ADAMTS19: variants seen among roughly 807,000 people sequenced by gnomAD.
ADAMTS19 encodes the protein ADAM metallopeptidase with thrombospondin type 1 motif 19.
A neutral mutation model predicts 153.3 loss-of-function variants in ADAMTS19; 93 were observed. The ratio of observed to expected loss-of-function variants is 0.61; its 90% CI spans 0.51 to 0.72. The LOEUF is 0.72. Among genes scored for constraint, ADAMTS19 ranks in the 30% least tolerant of loss-of-function variants. The pLI is 0.00. For missense variants in ADAMTS19, 1,482 were observed against 1,552.1 expected (o/e 0.95, Z 0.76); for synonymous variants, 600 against 556.6 (o/e 1.08, Z -1.10).
At chr5:129,592,304 G>A (rs892588654) in intron 7 of ADAMTS19, among the ~76,000 whole-genome samples, 3 of 150,980 alleles carry the variant, frequency 2.0e-5, no homozygotes, top group South Asian at 4.2e-4. Flanking sequence ...CGCTGAAACC[G>A]GGAGGCGGAG....
At chr5:129,667,967 T>C (rs764576660) in intron 16 of ADAMTS19, among the ~76,000 whole-genome samples, 2 of 152,220 alleles carry the variant, frequency 1.3e-5, no homozygotes, top group Non-Finnish European at 2.9e-5. Context: ...ACTTGGTTAC[T>C]TAAAACAACA....
At chr5:129,593,831 G>A (rs1750255695) in intron 7 of ADAMTS19, among the ~76,000 whole-genome samples, 1 of 152,096 alleles carries the variant, frequency 6.6e-6, no homozygotes, top group Non-Finnish European at 1.5e-5. Flanking sequence ...CATATTTTCT[G>A]ACTCATTACA....
intron 6 of ADAMTS19, among the ~76,000 whole-genome samples, chr5:129,549,360 A>T (rs1018313297): frequency 1.3e-4 from 19 of 151,706 alleles, no homozygotes; most frequent in Non-Finnish European, 2.4e-4. Context: ...ACTCAGAGAA[A>T]ATGGATGTTG....
chr5:129,596,955 C>T (rs1750408912), intron 8 of ADAMTS19, among the ~76,000 whole-genome samples: 1 of 152,094 alleles, frequency 6.6e-6, no homozygotes, highest in African/African-American at 2.4e-5. Context: ...ACAAATATTT[C>T]CATAATCTTG....
intron 3 of ADAMTS19, among the ~76,000 whole-genome samples, chr5:129,515,857 A>G (rs1479996987): frequency 6.6e-6 from 1 of 151,784 alleles, no homozygotes; most frequent in Admixed American, 6.6e-5. Context: ...GCATCCTTGT[A>G]GTGTTACCGA....
intron 6 of ADAMTS19, among the ~76,000 whole-genome samples, chr5:129,549,768 A>G (rs1243028296): frequency 6.6e-6 from 1 of 150,440 alleles, no homozygotes; most frequent in Non-Finnish European, 1.5e-5. Context: ...TATGCAAGGA[A>G]CATTTACCAA....
At chr5:129,695,086 G>A (rs1161724442) in intron 19 of ADAMTS19, among the ~76,000 whole-genome samples, 1 of 152,118 alleles carries the variant, frequency 6.6e-6, no homozygotes, top group Non-Finnish European at 1.5e-5. Flanking sequence ...GAGTAATTAA[G>A]ATCACTTTTT....
At chr5:129,658,480 A>G (rs1335271163) in intron 14 of ADAMTS19, 137 bp from the exon 15 acceptor site, 4 of 853,274 alleles carry the variant, frequency 4.7e-6, no homozygotes, top group East Asian at 2.7e-5. Flanking sequence ...CCAGAGAATG[A>G]CATTTTATAA....
intron 2 of ADAMTS19, among the ~76,000 whole-genome samples, chr5:129,475,804 G>C (rs1750205675): frequency 6.6e-6 from 1 of 152,208 alleles, no homozygotes; most frequent in Non-Finnish European, 1.5e-5. Flanking sequence ...CTGCACTTCA[G>C]CCTGGGAGAC....
intron 3 of ADAMTS19, among the ~76,000 whole-genome samples, chr5:129,525,581 A>G (rs536786995): frequency 9.9e-5 from 15 of 152,024 alleles, no homozygotes; most frequent in Admixed American, 3.3e-4. Flanking sequence ...GATTTCCACT[A>G]TGATAGTGGA....
At chr5:129,546,329 A>T (rs890431193) in intron 6 of ADAMTS19, among the ~76,000 whole-genome samples, 4 of 150,770 alleles carry the variant, frequency 2.7e-5, no homozygotes, top group Admixed American at 2.6e-4. Context: ...TGGCACATGT[A>T]TACATATGTA....
intron 16 of ADAMTS19, among the ~76,000 whole-genome samples, chr5:129,669,183 T>A (rs1276960377): frequency 6.6e-6 from 1 of 152,088 alleles, no homozygotes; most frequent in African/African-American, 2.4e-5. Context: ...CTGGGAAATC[T>A]AGATATCCAC....
rs573799403 is a variant in ADAMTS19 at position 129,602,749 on chromosome 5, G to A, written c.1478+6085G>A. On this transcript the variant is annotated intron_variant, in intron 8 of 22. Coordinates refer to ENST00000274487, the MANE Select transcript of ADAMTS19 (RefSeq NM_133638.6). Reference sequence around the variant, plus strand: ...ATTTCATACTTTCATAATTTCTTCCGTAGGTTTTTGCAATTACAAGTACTT... The same window carrying A: ...ATTTCATACTTTCATAATTTCTTCCATAGGTTTTTGCAATTACAAGTACTT... Among the ~76,000 whole-genome samples the A allele has an allele frequency of 3.2e-4, 48 of 151,000 alleles. No individual in the cohort carries two copies. The South Asian group carries it at 4.8e-3, about 15-fold the overall frequency.
In ADAMTS19 at chr5:129,562,628, G is replaced by A. The variant is rs77465382; in HGVS notation, c.1372+10721G>A. On this transcript the variant is annotated intron_variant, in intron 7 of 22. Coordinates refer to ENST00000274487, the MANE Select transcript of ADAMTS19 (RefSeq NM_133638.6). ...ATCAATGGGGATAGTCAGTGTTTAC[G>A]TGTGTGTGTGCGTGTGTGTGTGTGT... Among the ~76,000 whole-genome samples, 298 of 152,152 alleles carry A rather than the reference G, an allele frequency of 2.0e-3. 3 individuals carry two copies. In the East Asian group the frequency reaches 0.026, roughly 13 times the overall value.
intron 10 of ADAMTS19, among the ~76,000 whole-genome samples, chr5:129,634,072 G>C (rs184483833): frequency 1.1e-4 from 17 of 152,204 alleles, no homozygotes; most frequent in African/African-American, 4.1e-4. Context: ...CTAATGTCAG[G>C]ACACAATAGT....
At chr5:129,558,493 A>G (rs998947926) in intron 7 of ADAMTS19, among the ~76,000 whole-genome samples, 5 of 152,154 alleles carry the variant, frequency 3.3e-5, no homozygotes, top group Non-Finnish European at 2.9e-5. Context: ...CTATATTACA[A>G]TTCATTAAAG....
In ADAMTS19 at chr5:129,730,179, A is replaced by G. The variant is rs1387298016; in HGVS notation, c.3313-4753A>G. 2.6e-5 allele frequency among the ~76,000 whole-genome samples: 4 copies of G among 152,078 alleles called. No homozygotes were observed. In the East Asian group the frequency reaches 5.8e-4, roughly 22 times the overall value. On this transcript the variant is annotated intron_variant, in intron 21 of 22. Coordinates refer to ENST00000274487, the MANE Select transcript of ADAMTS19 (RefSeq NM_133638.6). ...GAGTGGTATTGAGATTAAGGCTTTT[A>G]AAGGAGAAAGACCATGTCAAAGAGT... is the stretch of plus-strand genomic sequence containing the variant.
intron 10 of ADAMTS19, among the ~76,000 whole-genome samples, chr5:129,634,886 A>C (rs1752463620): frequency 7.0e-6 from 1 of 142,530 alleles, no homozygotes; most frequent in South Asian, 2.2e-4. Flanking sequence ...ACAAAAGCAA[A>C]ATAAAAGAGA....
At chr5:129,550,060 ATG>A (rs1379625839) in intron 6 of ADAMTS19, among the ~76,000 whole-genome samples, 2,822 of 82,018 alleles carry the variant, frequency 0.034, 28 homozygotes, top group East Asian at 0.041. Context: ...CTGTATATGT[ATG>A]TATCTAGATA....
Sources: gnomAD v4.1 joint callset for allele counts (sites outside exome capture counted in the v4.1 genomes callset) on GRCh38, gnomAD v4.1.1 for gene constraint, MANE v1.5 for transcripts, NCBI Gene and HGNC (gene_info 2026-07-23, HGNC 2026-07-21) for gene names.